Variants in FREM1 observed in about 807,000 individuals in gnomAD.
FREM1 encodes the protein FRAS1-related extracellular matrix protein 1.
A neutral mutation model predicts 210.1 loss-of-function variants in FREM1; 220 were observed. The ratio of observed to expected loss-of-function variants is 1.05; its 90% CI spans 0.94 to 1.17. FREM1 has a LOEUF of 1.17. FREM1 is among the 50% of genes most tolerant of loss of function. The probability of loss-of-function intolerance (pLI) is 0.00; values close to 1 mark genes in which losing one functional copy is unlikely to be tolerated. For missense variants in FREM1, 3,454 were observed against 2,675.5 expected (o/e 1.29, Z -6.42); for synonymous variants, 1,189 against 980.2 (o/e 1.21, Z -3.98).
At chr9:14,796,980 G>A (rs1269734646) in intron 21 of FREM1, among the ~76,000 whole-genome samples, 1 of 152,158 alleles carries the variant, frequency 6.6e-6, no homozygotes, top group African/African-American at 2.4e-5. Context: ...AGGCGGGAGG[G>A]GGTGTTGACC....
At chr9:14,808,236 AAAG>A in intron 16 of FREM1, 102 bp from the exon 17 acceptor site, 1 of 688,424 alleles carries the variant, frequency 1.5e-6, no homozygotes, top group Non-Finnish European at 2.3e-6. Flanking sequence ...ACAGCAAGGA[AAAG>A]AAGTTATGTG....
At chr9:14,778,044 C>T (rs1274727298) in intron 24 of FREM1, among the ~76,000 whole-genome samples, 1 of 151,958 alleles carries the variant, frequency 6.6e-6, no homozygotes, top group Non-Finnish European at 1.5e-5. Flanking sequence ...AAGTGAAATA[C>T]AACAAATAAA....
intron 1 of FREM1, among the ~76,000 whole-genome samples, chr9:14,898,876 A>G (rs191374707): frequency 1.3e-5 from 2 of 152,360 alleles, no homozygotes; most frequent in East Asian, 3.8e-4. Flanking sequence ...ATAATAGTGG[A>G]AAGTAGGGGT....
intron 16 of FREM1, among the ~76,000 whole-genome samples, chr9:14,810,974 T>C (rs1819293951): frequency 6.6e-6 from 1 of 152,182 alleles, no homozygotes; most frequent in Non-Finnish European, 1.5e-5. Context: ...ATAAAATTAT[T>C]CTTAGGTGGC....
intron 21 of FREM1, among the ~76,000 whole-genome samples, chr9:14,794,111 T>G (rs552177646): frequency 6.6e-6 from 1 of 152,218 alleles, no homozygotes; most frequent in Non-Finnish European, 1.5e-5. Flanking sequence ...ATTCAATGTC[T>G]GGAAGCCAAG....
At chr9:14,860,826 C>CGTATATATACACAT (rs368689841) in intron 3 of FREM1, among the ~76,000 whole-genome samples, 21 of 83,598 alleles carry the variant, frequency 2.5e-4, no homozygotes, top group South Asian at 6.7e-4. Context: ...CACATATATA[C>CGTATATATACACAT]ATATATACGT....
Position 14,746,984 on chromosome 9 carries a change from C to T in FREM1, c.6077G>A (p.Gly2026Asp), listed in dbSNP as rs1205220382. The T allele has an allele frequency of 1.2e-6, 2 of 1,613,222 alleles. No individual in the cohort carries two copies. Among genetic ancestry groups the T allele is most frequent in the African/African-American group, 1.3e-5 (1 of 75,016 alleles). ...ATTGCACTGATACAGCTTCTGGATG[C>T]CTTCTTCAAAATGGAAGAGTCCCTT... ...ELKGLFHFEE[G>D]IQKLYQCNGI... Residue 2026 changes from glycine to aspartate, a missense_variant, in exon 34 of 37, where the codon GGC (glycine) becomes GAC (aspartate). Gly to Asp is a moderately conservative substitution (Grantham distance 94). Coordinates refer to ENST00000380880, the MANE Select transcript of FREM1 (RefSeq NM_001379081.2).
At chr9:14,845,162 T>A (rs1347314771) in intron 8 of FREM1, among the ~76,000 whole-genome samples, 1 of 152,220 alleles carries the variant, frequency 6.6e-6, no homozygotes, top group Admixed American at 6.5e-5. Flanking sequence ...TCATAAAGTG[T>A]AAATATTACT....
chr9:14,742,723 C>G (rs1218400882), intron 35 of FREM1, among the ~76,000 whole-genome samples: 1 of 152,104 alleles, frequency 6.6e-6, no homozygotes, highest in Non-Finnish European at 1.5e-5. Flanking sequence ...CCAGAGGAAA[C>G]TTAGGATCCA....
intron 1 of FREM1, among the ~76,000 whole-genome samples, chr9:14,896,544 C>CAAA (rs59464900): frequency 1.8e-4 from 15 of 82,492 alleles, no homozygotes; most frequent in African/African-American, 2.5e-4. Context: ...GACTCCATCT[C>CAAA]AAAAAAAAAA....
intron 22 of FREM1, among the ~76,000 whole-genome samples, 188 bp downstream of exon 22, chr9:14,792,555 G>T (rs1334019416): frequency 6.6e-6 from 1 of 152,222 alleles, no homozygotes; most frequent in Admixed American, 6.5e-5. Context: ...AATATTTGTT[G>T]AATTTACCCC....
intron 3 of FREM1, among the ~76,000 whole-genome samples, chr9:14,861,582 C>A (rs1364426563): frequency 6.7e-6 from 1 of 149,848 alleles, no homozygotes; most frequent in African/African-American, 2.5e-5. Context: ...TCTCGGCTCA[C>A]CGCAACCTCT....
At position 14,842,784 on chromosome 9, in the gene FREM1, G is replaced by C. The variant is rs568343064; in HGVS notation, c.1394-124C>G. On this transcript the variant is annotated intron_variant, in intron 8 of 36. Transcript: ENST00000380880. ...GTGCAGCCCGTATTTCCCTCACCTG[G>C]AAAAACTACAGATTGTTAGTGGGTT... The C allele has an allele frequency of 4.5e-6, 3 of 660,988 alleles. No homozygotes were observed. The South Asian group carries it at 5.9e-5, about 13-fold the overall frequency. 40.9% of individuals were successfully genotyped at this position (660,988 alleles called of 1,614,324 possible).
intron 1 of FREM1, among the ~76,000 whole-genome samples, chr9:14,909,022 G>C (rs1375027186): frequency 6.6e-6 from 1 of 152,128 alleles, no homozygotes; most frequent in East Asian, 1.9e-4. Flanking sequence ...CAGTTTTCCA[G>C]AGCAGAAACC....
In FREM1 at chr9:14,776,041, A is replaced by C. The variant is rs751454901; in HGVS notation, c.4605T>G (p.Pro1535=). The part of the protein sequence containing the change: ...LSPDLLQLTD[P]DTPAENLTFL... ...AGGTGAGGTTCTCCGCAGGTGTATC[A>C]GGGTCGGTCAGCTGAAGGAGGTCAG... Residue 1535 remains proline, a synonymous_variant, in exon 25 of 37, where the codon CCT becomes CCG. Transcript: ENST00000380880. The C allele has an allele frequency of 1.9e-6, 3 of 1,614,004 alleles. No individual in the cohort carries two copies. Among genetic ancestry groups the C allele is most frequent in the East Asian group, 2.2e-5 (1 of 44,872 alleles).
intron 13 of FREM1, 81 bp downstream of exon 13, chr9:14,823,079 A>G: frequency 5.6e-6 from 6 of 1,074,408 alleles, no homozygotes; most frequent in Non-Finnish European, 7.8e-6. Flanking sequence ...AGCCTAAAGG[A>G]AAGTTACCAT....
chr9:14,875,074 G>T (rs187943376), intron 1 of FREM1, among the ~76,000 whole-genome samples: 8 of 152,118 alleles, frequency 5.3e-5, no homozygotes, highest in Admixed American at 5.2e-4. Context: ...TGGATAACCC[G>T]ACCTTTCTCT....
At position 14,819,409 on chromosome 9, in the gene FREM1, C is replaced by T. The variant is rs904095159; in HGVS notation, c.2371G>A (p.Gly791Ser). Residue 791 changes from glycine to serine, a missense_variant, in exon 14 of 37, where the codon GGT (glycine) becomes AGT (serine). Coordinates refer to ENST00000380880, the MANE Select transcript of FREM1 (RefSeq NM_001379081.2). ...TGCTCTGTGCTGATGATGCTTTGAC[C>T]TCCCTCAGTCACTTTCAGAGGGTTG... ...FTNPLKVTEGGQSIISTEHIL... is the reference protein window; with the variant it reads ...FTNPLKVTEGSQSIISTEHIL... 8 of 1,612,956 alleles carry T rather than the reference C, an allele frequency of 5.0e-6. No individual in the cohort carries two copies. The highest frequency in any genetic ancestry group is 3.3e-4 in the Middle Eastern group (2 of 6,084).
intron 16 of FREM1, among the ~76,000 whole-genome samples, chr9:14,811,265 G>GT (rs1018715623): frequency 5.6e-4 from 85 of 152,144 alleles, no homozygotes; most frequent in African/African-American, 2.0e-3. Context: ...TTAGTTAATA[G>GT]TCCCGTCTAT....
Sources: allele counts gnomAD v4.1 joint callset (sites outside exome capture counted in the v4.1 genomes callset), GRCh38; gene constraint gnomAD v4.1.1; transcripts MANE v1.5; gene names NCBI Gene and HGNC (gene_info 2026-07-23, HGNC 2026-07-21).